Variants in VGLL4 observed in about 807,000 individuals in gnomAD.
VGLL4 encodes vestigial like family member 4.
A neutral mutation model predicts 21.0 loss-of-function variants in VGLL4; 7 were observed. The observed-to-expected ratio is 0.33, with a 90% CI of 0.19 to 0.63. VGLL4 has a LOEUF of 0.63. Among genes scored for constraint, VGLL4 ranks in the 20% least tolerant of loss-of-function variants. The pLI is 0.78. For synonymous variants in VGLL4, 222 were observed against 173.2 expected (o/e 1.28, Z -2.21); for missense variants, 394 against 425.7 (o/e 0.93, Z 0.66).
intron 2 of VGLL4, among the ~76,000 whole-genome samples, chr3:11,652,489 T>C (rs1356092370): frequency 6.6e-6 from 1 of 152,146 alleles, no homozygotes; most frequent in Non-Finnish European, 1.5e-5. Flanking sequence ...GCGCGATGTC[T>C]GCTCACTGGC....
At chr3:11,660,175 A>T (rs949450030) in intron 2 of VGLL4, among the ~76,000 whole-genome samples, 1 of 152,072 alleles carries the variant, frequency 6.6e-6, no homozygotes, top group Non-Finnish European at 1.5e-5. Flanking sequence ...AAAAAAAAAA[A>T]AATTTCCCAT....
rs2072564279 is a variant in VGLL4, at chr3:11,557,632, G to GTAAC, written c.*920_*923dup. 6.5e-6 allele frequency: 1 copy of GTAAC among 152,750 alleles called. No homozygotes were observed. Among genetic ancestry groups the GTAAC allele is most frequent in the Admixed American group, 6.5e-5 (1 of 15,284 alleles). 9.5% of individuals were successfully genotyped at this position (152,750 alleles called of 1,614,324 possible). On this transcript the variant is annotated 3_prime_UTR_variant, in exon 5 of 5. Coordinates refer to ENST00000430365, the MANE Select transcript of VGLL4 (RefSeq NM_001128219.3). ...ACCAGCAGTAAGTATATCTAGGACT[G>GTAAC]TAACTGACAAAAATAAACTAATTCT...
intron 3 of VGLL4, among the ~76,000 whole-genome samples, chr3:11,564,315 G>A (rs1191626633): frequency 3.3e-5 from 5 of 152,122 alleles, no homozygotes; most frequent in Non-Finnish European, 7.4e-5. Flanking sequence ...TCACAACCCT[G>A]TGACCATCAA....
intron 1 of VGLL4, among the ~76,000 whole-genome samples, chr3:11,635,465 A>C (rs960139452): frequency 6.6e-6 from 1 of 152,238 alleles, no homozygotes; most frequent in African/African-American, 2.4e-5. Flanking sequence ...CAGGGAAGCA[A>C]CATGTGGTTC....
intron 1 of VGLL4, among the ~76,000 whole-genome samples, chr3:11,711,031 C>T (rs373932280): frequency 6.6e-6 from 1 of 150,442 alleles, no homozygotes; most frequent in Non-Finnish European, 1.5e-5. Context: ...ACCCGGGAGG[C>T]GGAGTTTGCA....
chr3:11,656,856 C>T (rs2075966406), intron 2 of VGLL4, among the ~76,000 whole-genome samples: 1 of 152,188 alleles, frequency 6.6e-6, no homozygotes, highest in African/African-American at 2.4e-5. Flanking sequence ...AACAACGAAG[C>T]ACGGCCCTGG....
intron 3 of VGLL4, among the ~76,000 whole-genome samples, chr3:11,563,343 T>C (rs2073199135): frequency 6.6e-6 from 1 of 152,214 alleles, no homozygotes; most frequent in Admixed American, 6.5e-5. Context: ...CATGGCAGCA[T>C]TACAATGCCT....
intron 2 of VGLL4, among the ~76,000 whole-genome samples, chr3:11,687,012 T>C (rs1046324330): frequency 7.9e-6 from 1 of 126,808 alleles, no homozygotes; most frequent in Admixed American, 9.0e-5. Flanking sequence ...GTAAAATACA[T>C]TTGTTACTAT....
At position 11,643,748 on chromosome 3, in the gene VGLL4, C is replaced by CTGTA. The variant is rs1489266294; in HGVS notation, c.-234_-231dup. On this transcript the variant is annotated 5_prime_UTR_variant, in exon 1 of 5. Coordinates refer to ENST00000430365, the MANE Select transcript of VGLL4 (RefSeq NM_001128219.3). ...GGCTTACTGGTAGACGGTGTATGTACTGTATCCCCGATCGAGTATGAAAAC... is the reference window on the plus strand; with the variant it reads ...GGCTTACTGGTAGACGGTGTATGTACTGTATGTATCCCCGATCGAGTATGAAAAC... 7.7e-7 allele frequency: 1 copy of CTGTA among 1,292,844 alleles called. No homozygotes were observed. Among genetic ancestry groups the CTGTA allele is most frequent in the African/African-American group, 1.5e-5 (1 of 65,894 alleles). 80.1% of individuals were successfully genotyped at this position (1,292,844 alleles called of 1,614,324 possible). A position where few individuals can be genotyped will look rare whatever the true frequency, so the allele number is the denominator to read the frequency against.
At chr3:11,693,914 A>AAG (rs2125395804) in intron 2 of VGLL4, among the ~76,000 whole-genome samples, 1 of 152,296 alleles carries the variant, frequency 6.6e-6, no homozygotes, top group South Asian at 2.1e-4. Flanking sequence ...TTTTTTAATC[A>AAG]GCAGAAAAGT....
chr3:11,686,689 A>AT (rs368621165), intron 2 of VGLL4, among the ~76,000 whole-genome samples: 4 of 152,188 alleles, frequency 2.6e-5, no homozygotes, highest in African/African-American at 9.7e-5. Flanking sequence ...ATAAAAAACA[A>AT]TTTTTTAATC....
intron 2 of VGLL4, among the ~76,000 whole-genome samples, chr3:11,699,943 A>G (rs1351747994): frequency 6.6e-6 from 1 of 152,190 alleles, no homozygotes; most frequent in African/African-American, 2.4e-5. Flanking sequence ...GGAAAGTAAG[A>G]GTTCCTCTTT....
intron 1 of VGLL4, among the ~76,000 whole-genome samples, chr3:11,711,590 G>A (rs2076847645): frequency 6.6e-6 from 1 of 151,492 alleles, no homozygotes; most frequent in South Asian, 2.1e-4. Flanking sequence ...GGTGGCGTAT[G>A]CCTGTAGTCC....
intron 2 of VGLL4, among the ~76,000 whole-genome samples, chr3:11,662,213 C>A (rs1003392549): frequency 2.0e-5 from 3 of 152,290 alleles, no homozygotes; most frequent in East Asian, 1.9e-4. Flanking sequence ...CCTGAGAACA[C>A]CATGATCCTC....
At chr3:11,644,860 A>G (rs538458683), upstream of VGLL4, among the ~76,000 whole-genome samples, 9 of 134,366 alleles carry the variant, frequency 6.7e-5, no homozygotes, top group South Asian at 1.8e-3. Flanking sequence ...AAAAAAAAAA[A>G]AAAGAAAAGA....
At chr3:11,570,615 T>C (rs1182787068) in intron 2 of VGLL4, among the ~76,000 whole-genome samples, 1 of 152,228 alleles carries the variant, frequency 6.6e-6, no homozygotes. Context: ...TGAGTCCAGT[T>C]AACAGCGTTT....
chr3:11,681,827 G>A (rs1378373061), intron 2 of VGLL4, among the ~76,000 whole-genome samples: 5 of 152,220 alleles, frequency 3.3e-5, no homozygotes, highest in African/African-American at 1.2e-4. Context: ...GGGCGTTTCA[G>A]GCAGGGAGCA....
At chr3:11,559,585 C>G in intron 3 of VGLL4, 130 bp from the exon 4 acceptor site, 5 of 1,337,976 alleles carry the variant, frequency 3.7e-6, no homozygotes, top group Non-Finnish European at 4.9e-6. Flanking sequence ...CCTCCCACTT[C>G]AATACTGGAG....
Position 11,601,901 on chromosome 3 carries a change from T to C in VGLL4, c.204A>G (p.Pro68=), listed in dbSNP as rs147249608. ...TGTCACAGTCTAGGTCCTCGTCACC[T>C]GGCTCCATGCTGAACTTCCTCTTGC... The part of the protein sequence containing the change: ...SPSKRKFSME[P]GDEDLDCDND... Residue 68 remains proline, a synonymous_variant, in exon 2 of 5, where the codon CCA becomes CCG. Coordinates refer to ENST00000430365, the MANE Select transcript of VGLL4 (RefSeq NM_001128219.3). 1.7e-5 allele frequency: 28 copies of C among 1,613,886 alleles called. No individual in the cohort carries two copies. In the African/African-American group the frequency reaches 3.3e-4, roughly 19 times the overall value.
Sources: gnomAD v4.1 joint callset for allele counts (sites outside exome capture counted in the v4.1 genomes callset) on GRCh38, gnomAD v4.1.1 for gene constraint, MANE v1.5 for transcripts, NCBI Gene and HGNC (gene_info 2026-07-23, HGNC 2026-07-21) for gene names.